NFRKB: variants seen among roughly 807,000 people sequenced by gnomAD.
NFRKB encodes the protein nuclear factor related to kappaB binding protein.
Under a neutral mutation model 135.7 loss-of-function variants are expected in NFRKB, and 62 were observed. The ratio of observed to expected loss-of-function variants is 0.46; its 90% confidence interval spans 0.37 to 0.56. The LOEUF (loss-of-function observed/expected upper bound fraction) is 0.56, where lower values mean the gene tolerates loss of function less well. Among genes scored for constraint, NFRKB ranks in the 20% least tolerant of loss-of-function variants. NFRKB has a pLI of 0.00. For synonymous variants in NFRKB, 678 were observed against 635.6 expected (o/e 1.07, Z -1.00); for missense variants, 1,545 against 1,662.0 (o/e 0.93, Z 1.22).
At chr11:129,873,655 A>C (rs1591489041) in intron 22 of NFRKB, 90 bp downstream of exon 22, 1 of 1,520,412 alleles carries the variant, frequency 6.6e-7, no homozygotes. Context: ...ATGGCTCCCC[A>C]GTCCTTACCC....
rs1219569257 is a variant in NFRKB, at chr11:129,874,099, A to G, written c.2279+14T>C. 2.6e-6 allele frequency: 4 copies of G among 1,562,744 alleles called. No individual in the cohort carries two copies. Among genetic ancestry groups the G allele is most frequent in the Non-Finnish European group, 2.6e-6 (3 of 1,153,846 alleles). The stretch of plus-strand genomic sequence containing the variant: ...ACTCTAGAACGAAAAAGCTGAAGAA[A>G]AGGAGGAACTTACCCCGAGCTAGAC... On this transcript the variant is annotated intron_variant, in intron 21 of 26. Transcript: ENST00000682444. This position sits in a 1 kb window ranked among gnomAD's most constrained non-coding sequence, Gnocchi z 4.5.
chr11:129,882,674 A>G (rs1949087431), intron 9 of NFRKB, 43 bp from the exon 10 acceptor site: 1 of 1,580,358 alleles, frequency 6.3e-7, no homozygotes, highest in African/African-American at 1.4e-5. Context: ...TGTATCTCCT[A>G]CACAGGGAAG....
chr11:129,872,914 T>G lies in NFRKB; in HGVS notation c.2733A>C (p.Gln911His). Residue 911 changes from glutamine (Q) to histidine (H), a missense_variant, in exon 23 of 27, where the codon CAA becomes CAC. Transcript: ENST00000682444. ...TGATGATGTTCTGTCCTGTGACATT[T>G]TGAATGACGGCAGCCGTGGAGGCAC... ...APSASTAAVI[Q>H]NVTGQNIIKQ... 3 of 1,612,824 alleles carry G rather than the reference T, an allele frequency of 1.9e-6. No homozygotes were observed. The highest frequency in any genetic ancestry group is 1.1e-5 in the South Asian group (1 of 90,978).
At position 129,869,654 on chromosome 11, in the gene NFRKB, A is replaced by G; in HGVS notation, c.3371T>C (p.Val1124Ala). The G allele has an allele frequency of 1.2e-6, 2 of 1,614,134 alleles. No individual in the cohort carries two copies. Among genetic ancestry groups the G allele is most frequent in the South Asian group, 1.1e-5 (1 of 91,078 alleles). ...GASVASGSGT[V>A]HTSAVSLPSM... ...GGGTAAGGACACCGCTGAAGTATGG[A>G]CAGTTCCAGACCCACTGGCCACCGA... is the stretch of plus-strand genomic sequence containing the variant. The change falls in exon 24 of 27, where the codon GTC (valine) becomes GCC (alanine). Residue 1124 changes from valine (V) to alanine (A), a missense_variant. Val to Ala is a moderately conservative substitution (Grantham distance 64). Around this residue, in one of 3 missense-constraint regions of NFRKB, gnomAD observed 753 missense variants for 804.3 expected, o/e 0.94. Transcript: ENST00000682444.
chr11:129,890,236 T>C (rs1949494359), intron 3 of NFRKB, among the ~76,000 whole-genome samples: 1 of 152,064 alleles, frequency 6.6e-6, no homozygotes, highest in Non-Finnish European at 1.5e-5. Flanking sequence ...TCCAGGCATC[T>C]TTGCATGAAC....
intron 2 of NFRKB, 156 bp downstream of exon 2, chr11:129,894,201 ACT>A (rs1350921649): frequency 6.6e-6 from 1 of 152,154 alleles, no homozygotes; most frequent in Admixed American, 6.5e-5. Flanking sequence ...AAACTCAATC[ACT>A]CTACCAACAT....
At position 129,864,778 on chromosome 11, in the gene NFRKB, T is replaced by G. The variant is rs1323225761; in HGVS notation, c.3847A>C (p.Thr1283Pro). The change falls in exon 27 of 27, where the codon ACT becomes CCT. Residue 1283 changes from threonine (T) to proline (P), a missense_variant. Transcript: ENST00000682444. ...GACGGAGCTGTAGTCACAACAACAG[T>G]GGAGACTGCTTTGGAGGAGCCAGAA... ...TASGSSKAVSTVVVTTAPSPK... is the reference protein window; with the variant it reads ...TASGSSKAVSPVVVTTAPSPK... 1 of 1,614,194 alleles carries G rather than the reference T, an allele frequency of 6.2e-7. No homozygotes were observed. Among genetic ancestry groups the G allele is most frequent in the Non-Finnish European group, 8.5e-7 (1 of 1,180,044 alleles).
At chr11:129,882,025 C>T (rs1949051188) in intron 11 of NFRKB, 61 bp downstream of exon 11, 7 of 1,484,888 alleles carry the variant, frequency 4.7e-6, no homozygotes, top group Admixed American at 4.4e-5. Flanking sequence ...AGCTATAGAC[C>T]ATTCAGGATT....
chr11:129,884,001 T>C, intron 8 of NFRKB, 69 bp downstream of exon 8: 4 of 1,519,944 alleles, frequency 2.6e-6, no homozygotes, highest in Non-Finnish European at 3.7e-6. Context: ...GCCCCGTGTC[T>C]TCCTCAGGAC....
In NFRKB at chr11:129,873,014, G is replaced by T; in HGVS notation, c.2633C>A (p.Thr878Lys). ...GGCTGTGGCAGGGAGACTTGTCACC[G>T]TGAGCCCTGTCTGCCCGGGTCCAGG... ...QRPGPGQTGL[T>K]VTSLPATASP... The change falls in exon 23 of 27, where the codon ACG (threonine) becomes AAG (lysine). Residue 878 changes from threonine (T) to lysine (K), a missense_variant. By Grantham distance (78) the Thr-to-Lys change is moderately conservative (BLOSUM62 -1). This residue lies in a region of NFRKB where 753 missense variants were observed against 804.3 expected (regional missense o/e 0.94). Transcript: ENST00000682444. 1 of 1,614,180 alleles carries T rather than the reference G, an allele frequency of 6.2e-7. No individual in the cohort carries two copies. The highest frequency in any genetic ancestry group is 8.5e-7 in the Non-Finnish European group (1 of 1,180,022).
At position 129,864,742 on chromosome 11, in the gene NFRKB, C is replaced by A; in HGVS notation, c.3883G>T (p.Ala1295Ser). Reference protein sequence around the residue: ...VVTTAPSPKQAPEQQ With the variant: ...VVTTAPSPKQSPEQQ ...TCTCATAATCATTGTTGCTCAGGTG[C>A]CTGTTTAGGAGACGGAGCTGTAGTC... Residue 1295 changes from alanine (A) to serine (S), a missense_variant, in exon 27 of 27, where the codon GCA becomes TCA. This residue lies in a region of NFRKB where 753 missense variants were observed against 804.3 expected (regional missense o/e 0.94). Coordinates refer to ENST00000682444, the MANE Select transcript of NFRKB (RefSeq NM_001143835.2). The A allele has an allele frequency of 6.2e-7, 1 of 1,614,180 alleles. No homozygotes were observed. The highest frequency in any genetic ancestry group is 8.5e-7 in the Non-Finnish European group (1 of 1,180,044).
At position 129,872,883 on chromosome 11, in the gene NFRKB, C is replaced by T. The variant is rs1025931055; in HGVS notation, c.2763+1G>A. The T allele has an allele frequency of 6.3e-6, 10 of 1,592,758 alleles. No homozygotes were observed. Among genetic ancestry groups the T allele is most frequent in the African/African-American group, 1.3e-5 (1 of 74,630 alleles). On this transcript the variant is annotated splice_donor_variant, in intron 23 of 26. Transcript: ENST00000682444. LOFTEE classifies it high-confidence loss of function. ...ATCCACGTGGAAAGAGCCCCACCTACCTGCTTGATGATGTTCTGTCCTGTG... is the reference window on the plus strand; with the variant it reads ...ATCCACGTGGAAAGAGCCCCACCTATCTGCTTGATGATGTTCTGTCCTGTG...
chr11:129,865,954 G>A lies in NFRKB; in HGVS notation c.3561C>T (p.Pro1187=). The change falls in exon 25 of 27, where the codon CCC becomes CCT. Residue 1187 remains proline (P), a synonymous_variant. Transcript: ENST00000682444. Reference sequence around the variant, plus strand: ...TCATTGGCTGGCTGATCACAGAGAGGGGAACTGTGATCCGTGTAGGCAACT... The same window carrying A: ...TCATTGGCTGGCTGATCACAGAGAGAGGAACTGTGATCCGTGTAGGCAACT... ...AGKLPTRITV[P]LSVISQPMKG... is the part of the protein sequence containing the mutation. 1 of 1,613,372 alleles carries A rather than the reference G, an allele frequency of 6.2e-7. No individual in the cohort carries two copies.
intron 22 of NFRKB, 43 bp downstream of exon 22, chr11:129,873,702 G>GTCTGCATCTCTGCT: frequency 6.3e-7 from 1 of 1,597,162 alleles, no homozygotes; most frequent in Non-Finnish European, 8.6e-7. Flanking sequence ...CCACCTCTGG[G>GTCTGCATCTCTGCT]TCTGCATCTC....
At chr11:129,865,764 A>T in intron 25 of NFRKB, 113 bp downstream of exon 25, 1 of 833,038 alleles carries the variant, frequency 1.2e-6, no homozygotes, top group Non-Finnish European at 2.0e-6. Context: ...CAGAGGTGTC[A>T]AAGAAGGGCC....
At chr11:129,886,762 C>G (rs1248894887) in intron 4 of NFRKB, among the ~76,000 whole-genome samples, 1 of 152,146 alleles carries the variant, frequency 6.6e-6, no homozygotes. Flanking sequence ...GTATCCTTAC[C>G]AGACGACCAT....
intron 2 of NFRKB, chr11:129,893,389 CAAAAAAAA>C: frequency 1.2e-4 from 14 of 112,810 alleles, no homozygotes; most frequent in South Asian, 9.1e-4. Context: ...CCCTTCTCTA[CAAAAAAAA>C]AAAAAAAAAA....
chr11:129,877,248 G>T, intron 16 of NFRKB, 77 bp downstream of exon 16: 2 of 1,391,504 alleles, frequency 1.4e-6, no homozygotes, highest in Non-Finnish European at 2.0e-6. Context: ...GAAGGTAGAT[G>T]CAGGAGAGTC....
chr11:129,877,491 C>T, intron 15 of NFRKB, 106 bp from the exon 16 acceptor site: 1 of 1,034,372 alleles, frequency 9.7e-7, no homozygotes, highest in Non-Finnish European at 1.5e-6. Context: ...AGATGTCCCT[C>T]AAGAAGCACT....
Sources: allele counts gnomAD v4.1 joint callset (sites outside exome capture counted in the v4.1 genomes callset), GRCh38; gene constraint gnomAD v4.1.1; regional missense constraint gnomAD v4.1.1; non-coding constraint Gnocchi (gnomAD v3.1); transcripts MANE v1.5; gene names NCBI Gene and HGNC (gene_info 2026-07-23, HGNC 2026-07-21).